Variants in DNM3 observed in about 807,000 individuals in gnomAD.
DNM3 encodes dynamin-3.
In DNM3, 47 loss-of-function variants were observed where a neutral mutation model predicts 101.6. The ratio of observed to expected loss-of-function variants is 0.46; its 90% confidence interval spans 0.37 to 0.59. The LOEUF (loss-of-function observed/expected upper bound fraction) is 0.59, where lower values mean the gene tolerates loss of function less well. DNM3 is among the 20% of genes least tolerant of loss of function. The probability of loss-of-function intolerance (pLI) is 0.00; values close to 1 mark genes in which losing one functional copy is unlikely to be tolerated. For missense variants in DNM3, 849 were observed against 1,085.7 expected, an observed-to-expected ratio of 0.78 and a Z score of 3.06; for synonymous variants, 385 against 387.9, an observed-to-expected ratio of 0.99 and a Z score of 0.09.
At position 172,410,390 on chromosome 1, in the gene DNM3, A is replaced by G. The variant is rs1356443844; in HGVS notation, c.*2549A>G. Reference sequence around the variant, plus strand: ...AATTTTCTCTTAACTGATTGCTCTGATATTGTAAACACAATAGATGTAGCT... The same window carrying G: ...AATTTTCTCTTAACTGATTGCTCTGGTATTGTAAACACAATAGATGTAGCT... On this transcript the variant is annotated 3_prime_UTR_variant, in exon 21 of 21. Transcript: ENST00000627582. 1 of 985,026 alleles carries G rather than the reference A, an allele frequency of 1.0e-6. No homozygotes were observed. The highest frequency in any genetic ancestry group is 1.2e-6 in the Non-Finnish European group (1 of 829,684). 61.0% of individuals were successfully genotyped at this position (985,026 alleles called of 1,614,324 possible).
At chr1:172,323,285 G>C in intron 16 of DNM3, 44 bp from the exon 17 acceptor site, 1 of 1,550,066 alleles carries the variant, frequency 6.5e-7, no homozygotes, top group African/African-American at 1.4e-5. Flanking sequence ...ATAAATTTCT[G>C]TTTAACATAT....
At chr1:172,273,597 A>G (rs1011478706) in intron 15 of DNM3, among the ~76,000 whole-genome samples, 3 of 152,090 alleles carry the variant, frequency 2.0e-5, no homozygotes, top group African/African-American at 7.2e-5. Context: ...AGGGTGTGGT[A>G]GAAGCACTGA....
At chr1:172,362,921 T>C (rs2067818692) in intron 17 of DNM3, among the ~76,000 whole-genome samples, 2 of 151,918 alleles carry the variant, frequency 1.3e-5, no homozygotes, top group South Asian at 4.1e-4. Context: ...TTGAAAGCTT[T>C]TTTATCTAAA....
In DNM3 at chr1:172,354,110, T is replaced by TGAGAGAGA. The variant is rs1445200263; in HGVS notation, c.1894-24907_1894-24906insAGAGAGAG. ...TGGGGTGTGTGTGTGTGTGTGTGTGTGTGAGAGAGAGAGAGAGAGAGAGAG... is the reference window on the plus strand; with the variant it reads ...TGGGGTGTGTGTGTGTGTGTGTGTGTGAGAGAGAGTGAGAGAGAGAGAGAGAGAGAGAG... On this transcript the variant is annotated intron_variant, in intron 17 of 20. Coordinates refer to ENST00000627582, the MANE Select transcript of DNM3 (RefSeq NM_015569.5). Among the ~76,000 whole-genome samples the TGAGAGAGA allele has an allele frequency of 8.5e-3, 448 of 52,546 alleles. 3 individuals carry two copies. The highest frequency in any genetic ancestry group is 0.014 in the Middle Eastern group (1 of 72). 34.5% of individuals were successfully genotyped at this position (52,546 alleles called of 152,430 possible).
intron 1 of DNM3, among the ~76,000 whole-genome samples, chr1:171,853,819 G>C (rs1366553102): frequency 6.6e-6 from 1 of 152,088 alleles, no homozygotes; most frequent in African/African-American, 2.4e-5. Flanking sequence ...CAAAACACAA[G>C]TTTAATATCT....
intron 1 of DNM3, among the ~76,000 whole-genome samples, chr1:171,903,810 T>C (rs1353761307): frequency 6.6e-6 from 1 of 152,144 alleles, no homozygotes; most frequent in Non-Finnish European, 1.5e-5. Context: ...GGCTGGAAAT[T>C]TTACATAGAC....
intron 17 of DNM3, among the ~76,000 whole-genome samples, chr1:172,342,419 C>T (rs2066730216): frequency 1.3e-5 from 2 of 152,132 alleles, no homozygotes. Context: ...ATAAAATACT[C>T]TGCGGCCATT....
At chr1:172,403,895 C>G (rs2070694172) in intron 20 of DNM3, among the ~76,000 whole-genome samples, 1 of 152,078 alleles carries the variant, frequency 6.6e-6, no homozygotes, top group Non-Finnish European at 1.5e-5. Flanking sequence ...GAGGTGAATG[C>G]CTTTGGAAAC....
intron 4 of DNM3, among the ~76,000 whole-genome samples, chr1:172,001,874 G>A (rs942425467): frequency 6.6e-6 from 1 of 151,862 alleles, no homozygotes; most frequent in Admixed American, 6.6e-5. Flanking sequence ...AAAATCCATG[G>A]GTGATGTAAA....
At chr1:172,367,301 AC>A (rs910471414) in intron 17 of DNM3, among the ~76,000 whole-genome samples, 2 of 151,864 alleles carry the variant, frequency 1.3e-5, no homozygotes, top group Non-Finnish European at 2.9e-5. Context: ...TCCCAGACAA[AC>A]AAAAACTGAG....
chr1:172,411,307 A>G lies in DNM3; in HGVS notation c.*3466A>G, dbSNP rs1395690042. 1.4e-5 allele frequency: 14 copies of G among 984,930 alleles called. No homozygotes were observed. The highest frequency in any genetic ancestry group is 1.6e-5 in the Non-Finnish European group (13 of 829,578). 61.0% of individuals were successfully genotyped at this position (984,930 alleles called of 1,614,324 possible). A position where few individuals can be genotyped will look rare whatever the true frequency, so the allele number is the denominator to read the frequency against. ...AGTCATTTTGAGAGGTACAAAGCTC[A>G]TAATTACCATGACAACATGGTAATG... On this transcript the variant is annotated 3_prime_UTR_variant, in exon 21 of 21. Transcript: ENST00000627582.
intron 2 of DNM3, among the ~76,000 whole-genome samples, chr1:171,969,107 A>G (rs1247907885): frequency 1.3e-5 from 2 of 152,200 alleles, no homozygotes; most frequent in African/African-American, 4.8e-5. Flanking sequence ...GTGTTTTCCA[A>G]ATGTGGGGAG....
chr1:172,066,938 CTCTG>C (rs1173893755), intron 10 of DNM3, among the ~76,000 whole-genome samples: 1 of 138,892 alleles, frequency 7.2e-6, no homozygotes, highest in African/African-American at 2.7e-5. Flanking sequence ...AGATCTCTCT[CTCTG>C]TCTCTGTGTT....
intron 1 of DNM3, among the ~76,000 whole-genome samples, chr1:171,915,030 G>A (rs9425824): frequency 0.9 from 136,751 of 152,188 alleles, 61,620 homozygotes; most frequent in African/African-American, 0.97. Context: ...GCACAGATGC[G>A]CACAGAGACT....
chr1:172,181,409 CACACAT>C (rs983911300), intron 14 of DNM3, among the ~76,000 whole-genome samples: 5 of 132,758 alleles, frequency 3.8e-5, no homozygotes, highest in South Asian at 4.6e-4. Flanking sequence ...CACACACACA[CACACAT>C]ATTTCTGGTA....
intron 12 of DNM3, among the ~76,000 whole-genome samples, chr1:172,086,095 T>A (rs2147774960): frequency 6.6e-6 from 1 of 152,324 alleles, no homozygotes; most frequent in South Asian, 2.1e-4. Flanking sequence ...AGCACCATTT[T>A]AAAAATAAGT....
intron 1 of DNM3, among the ~76,000 whole-genome samples, chr1:171,875,813 C>CTT (rs60523795): frequency 1.9e-5 from 2 of 104,674 alleles, no homozygotes; most frequent in East Asian, 3.4e-4. Context: ...AGTTGTCTCT[C>CTT]TTTTTTTTTT....
intron 14 of DNM3, among the ~76,000 whole-genome samples, chr1:172,196,569 AT>A (rs1291477303): frequency 4.6e-5 from 7 of 151,702 alleles, no homozygotes; most frequent in Non-Finnish European, 8.9e-5. Flanking sequence ...GCCAGCATCT[AT>A]TATTTTTGAC....
At chr1:172,251,585 G>A (rs2062172268) in intron 14 of DNM3, among the ~76,000 whole-genome samples, 2 of 152,166 alleles carry the variant, frequency 1.3e-5, no homozygotes, top group South Asian at 4.2e-4. Context: ...GCATATGTGT[G>A]TGTATTTCTC....
Sources: gnomAD v4.1 joint callset for allele counts (sites outside exome capture counted in the v4.1 genomes callset) on GRCh38, gnomAD v4.1.1 for gene constraint, MANE v1.5 for transcripts, NCBI Gene and HGNC (gene_info 2026-07-23, HGNC 2026-07-21) for gene names.